PTK2: variants seen among roughly 807,000 people sequenced by gnomAD.
PTK2 encodes protein tyrosine kinase 2.
In PTK2, 45 loss-of-function variants were observed where a neutral mutation model predicts 150.1. The ratio of observed to expected loss-of-function variants is 0.30; its 90% CI spans 0.24 to 0.38. PTK2 has a LOEUF of 0.38. Among genes scored for constraint, PTK2 ranks in the 10% least tolerant of loss-of-function variants. The pLI, the probability that PTK2 is intolerant of heterozygous loss-of-function variation, is 1.00. For synonymous variants in PTK2, 432 were observed against 449.2 expected (o/e 0.96, Z 0.48); for missense variants, 919 against 1,307.3 (o/e 0.70, Z 4.58).
At chr8:140,852,785 A>AAG (rs1269080192) in intron 5 of PTK2, among the ~76,000 whole-genome samples, 1 of 152,218 alleles carries the variant, frequency 6.6e-6, no homozygotes, top group East Asian at 1.9e-4. Context: ...AATTCCAGGA[A>AAG]AGAAAAGGCA....
chr8:140,826,195 AT>A (rs1343296822), intron 8 of PTK2, among the ~76,000 whole-genome samples: 3 of 152,252 alleles, frequency 2.0e-5, no homozygotes, highest in African/African-American at 7.2e-5. Context: ...CTATAGAGCT[AT>A]TTCAGAAGAA....
chr8:140,895,911 C>G (rs1285704078), intron 2 of PTK2, among the ~76,000 whole-genome samples: 1 of 151,522 alleles, frequency 6.6e-6, no homozygotes, highest in Non-Finnish European at 1.5e-5. Context: ...AACTTAAAAG[C>G]AGAACAAAAT....
intron 4 of PTK2, among the ~76,000 whole-genome samples, chr8:140,864,703 T>C (rs1229261706): frequency 6.6e-6 from 1 of 152,210 alleles, no homozygotes; most frequent in Non-Finnish European, 1.5e-5. Context: ...CCCTGACTTC[T>C]AACATCTTCC....
At chr8:140,953,144 G>C (rs2100180064) in intron 1 of PTK2, among the ~76,000 whole-genome samples, 1 of 152,084 alleles carries the variant, frequency 6.6e-6, no homozygotes, top group African/African-American at 2.4e-5. Flanking sequence ...GAACCCATGA[G>C]AATAAGATAC....
At chr8:140,801,982 G>A (rs898299658) in intron 11 of PTK2, among the ~76,000 whole-genome samples, 1 of 151,650 alleles carries the variant, frequency 6.6e-6, no homozygotes, top group Non-Finnish European at 1.5e-5. Context: ...TAAAAGTATA[G>A]CACATACGAT....
intron 14 of PTK2, among the ~76,000 whole-genome samples, chr8:140,782,256 G>GT (rs901701984): frequency 2.7e-5 from 4 of 147,116 alleles, no homozygotes; most frequent in African/African-American, 1.0e-4. Flanking sequence ...TTTTTTTTTG[G>GT]GGGGGGGGAC....
intron 1 of PTK2, among the ~76,000 whole-genome samples, chr8:140,959,844 C>T (rs899951879): frequency 2.0e-5 from 3 of 151,726 alleles, no homozygotes; most frequent in African/African-American, 7.3e-5. Context: ...CCCCACCACC[C>T]TCCTTTTCCA....
chr8:140,687,893 T>C (rs891389787), intron 26 of PTK2, among the ~76,000 whole-genome samples: 3 of 152,158 alleles, frequency 2.0e-5, no homozygotes, highest in African/African-American at 4.8e-5. Context: ...TCTTCCTCCC[T>C]TCCCCCTTTC....
At chr8:140,710,147 GAGA>G (rs1314342583) in intron 23 of PTK2, among the ~76,000 whole-genome samples, 3 of 151,286 alleles carry the variant, frequency 2.0e-5, no homozygotes, top group East Asian at 2.0e-4. Flanking sequence ...AAAAAAATAT[GAGA>G]AGATTTTCAT....
chr8:140,935,935 C>T (rs1260442608), intron 1 of PTK2, among the ~76,000 whole-genome samples: 2 of 152,088 alleles, frequency 1.3e-5, no homozygotes, highest in Non-Finnish European at 2.9e-5. Context: ...GTGTAAGCCA[C>T]CACACCCGGC....
At chr8:140,753,956 A>C (rs1376554748) in intron 16 of PTK2, among the ~76,000 whole-genome samples, 1 of 152,256 alleles carries the variant, frequency 6.6e-6, no homozygotes, top group African/African-American at 2.4e-5. Context: ...ATATTTTAAA[A>C]ATACCTTAAA....
intron 12 of PTK2, 131 bp downstream of exon 12, chr8:140,800,328 T>C (rs2100094242): frequency 1.5e-5 from 12 of 786,530 alleles, no homozygotes; most frequent in South Asian, 1.2e-4. Context: ...CCTCAGATTA[T>C]ACTGAGCTGA....
chr8:140,674,843 T>C (rs2100012657), intron 28 of PTK2, among the ~76,000 whole-genome samples: 1 of 150,372 alleles, frequency 6.7e-6, no homozygotes, highest in Admixed American at 6.6e-5. Flanking sequence ...CCTCAGGAGT[T>C]CAAGACCAGC....
chr8:140,763,746 A>G (rs2100070645), intron 15 of PTK2, among the ~76,000 whole-genome samples: 1 of 152,102 alleles, frequency 6.6e-6, no homozygotes, highest in Non-Finnish European at 1.5e-5. Context: ...GTTATGAGCT[A>G]TTTGTATTGG....
At chr8:140,756,337 AG>A in intron 16 of PTK2, among the ~76,000 whole-genome samples, 1 of 151,566 alleles carries the variant, frequency 6.6e-6, no homozygotes, top group Non-Finnish European at 1.5e-5. Context: ...AAAAAAAAAA[AG>A]AAAAAGATAT....
At chr8:140,721,218 T>C (rs1257179155) in intron 22 of PTK2, among the ~76,000 whole-genome samples, 1 of 152,204 alleles carries the variant, frequency 6.6e-6, no homozygotes, top group African/African-American at 2.4e-5. Flanking sequence ...CAAGTAGAGC[T>C]TGAGATACAA....
intron 4 of PTK2, among the ~76,000 whole-genome samples, chr8:140,865,149 T>G (rs1292983378): frequency 1.3e-5 from 2 of 152,260 alleles, no homozygotes; most frequent in Non-Finnish European, 2.9e-5. Context: ...TAATTGGCAT[T>G]TCTTTGGTAA....
intron 1 of PTK2, chr8:140,927,203 T>C (rs540331976): frequency 5.5e-4 from 84 of 152,356 alleles, no homozygotes; most frequent in African/African-American, 1.8e-3. Flanking sequence ...GGCAATCCAG[T>C]AGTTACTTAA....
At chr8:140,715,783 TA>T (rs11306811) in intron 23 of PTK2, among the ~76,000 whole-genome samples, 39,364 of 149,774 alleles carry the variant, frequency 0.26, 5,712 homozygotes, top group Admixed American at 0.38. Flanking sequence ...AAATATCTTT[TA>T]AAAAAAAAAG....
Sources: allele counts gnomAD v4.1 joint callset (sites outside exome capture counted in the v4.1 genomes callset), GRCh38; gene constraint gnomAD v4.1.1; transcripts MANE v1.5; gene names NCBI Gene and HGNC (gene_info 2026-07-23, HGNC 2026-07-21).